FAT3: variants seen among roughly 807,000 people sequenced by gnomAD.
The protein encoded by FAT3 is FAT atypical cadherin 3, also known as protocadherin Fat 3.
A neutral mutation model predicts 310.2 loss-of-function variants in FAT3; 95 were observed. That is an observed-to-expected ratio of 0.31 (90% CI 0.26 to 0.36). FAT3 has a LOEUF of 0.36. FAT3 is among the 10% of genes least tolerant of loss of function. The probability of loss-of-function intolerance (pLI) is 1.00; values close to 1 mark genes in which losing one functional copy is unlikely to be tolerated. For synonymous variants in FAT3, 2,314 were observed against 2,192.9 expected, an observed-to-expected ratio of 1.06 and a Z score of -1.54; for missense variants, 5,408 against 5,715.6, an observed-to-expected ratio of 0.95 and a Z score of 1.74.
rs1268494070 is a variant in FAT3, at chr11:92,837,725, T to C, written c.10287T>C (p.Thr3429=). ...GTGGCATTCCTGCAATGTCATCAAC[T>C]GCAACTGTCAACATTGATATTTCTG... The part of the protein sequence containing the change: ...VDSGIPAMSS[T]ATVNIDISDV... The change falls in exon 17 of 28, where the codon ACT becomes ACC. Residue 3429 remains threonine, a synonymous_variant. Transcript: ENST00000525166. The C allele has an allele frequency of 6.2e-7, 1 of 1,614,000 alleles. No homozygotes were observed. Among genetic ancestry groups the C allele is most frequent in the South Asian group, 1.1e-5 (1 of 91,084 alleles).
intron 26 of FAT3, 84 bp downstream of exon 26, chr11:92,889,332 C>T: frequency 3.4e-6 from 2 of 583,466 alleles, no homozygotes; most frequent in South Asian, 2.3e-5. Flanking sequence ...AATGGATTGG[C>T]CACAGAGGGG....
At chr11:92,336,846 A>G (rs1948098992) in intron 1 of FAT3, among the ~76,000 whole-genome samples, 1 of 152,200 alleles carries the variant, frequency 6.6e-6, no homozygotes, top group Non-Finnish European at 1.5e-5. Context: ...CTTTCATCTA[A>G]GATTCTGTGA....
At chr11:92,266,176 T>C (rs1156599350) in intron 1 of FAT3, among the ~76,000 whole-genome samples, 1 of 152,166 alleles carries the variant, frequency 6.6e-6, no homozygotes, top group East Asian at 1.9e-4. Flanking sequence ...TACCAACTAG[T>C]GTTTCATTAA....
intron 2 of FAT3, among the ~76,000 whole-genome samples, chr11:92,471,035 A>T (rs1037230232): frequency 2.6e-5 from 4 of 152,126 alleles, no homozygotes; most frequent in Non-Finnish European, 5.9e-5. Context: ...CTTCTGTAAC[A>T]TTAGTTTTAA....
At chr11:92,237,964 C>T (rs1864502239) in intron 1 of FAT3, among the ~76,000 whole-genome samples, 1 of 152,122 alleles carries the variant, frequency 6.6e-6, no homozygotes, top group Non-Finnish European at 1.5e-5. Flanking sequence ...TGCATACGCA[C>T]TTTTGTTCTG....
At chr11:92,604,484 G>A (rs116316574) in intron 3 of FAT3, among the ~76,000 whole-genome samples, 1,968 of 152,246 alleles carry the variant, frequency 0.013, 44 homozygotes, top group African/African-American at 0.044. Flanking sequence ...CAGTCTCACA[G>A]ATTATCCCCT....
chr11:92,799,193 G>T lies in FAT3; in HGVS notation c.6180G>T (p.Leu2060=). ...TGGTGGTAGAAGCCAGCCGTGAGCT[G>T]GACCATCTGCGTGTGGCCAGAGTGG... is the stretch of plus-strand genomic sequence containing the variant. ...YELVVEASRE[L]DHLRVARVVV... Residue 2060 remains leucine, a synonymous_variant, in exon 10 of 28, where the codon CTG becomes CTT. Transcript: ENST00000525166. The T allele has an allele frequency of 6.2e-7, 1 of 1,613,924 alleles. No homozygotes were observed. Among genetic ancestry groups the T allele is most frequent in the Non-Finnish European group, 8.5e-7 (1 of 1,179,860 alleles).
At chr11:92,229,470 T>A (rs1311421384) in intron 1 of FAT3, among the ~76,000 whole-genome samples, 1 of 149,922 alleles carries the variant, frequency 6.7e-6, no homozygotes, top group Non-Finnish European at 1.5e-5. Flanking sequence ...CCTTTCCTTG[T>A]TTTCTTTTTT....
At chr11:92,227,827 G>A (rs1863986269) in intron 1 of FAT3, among the ~76,000 whole-genome samples, 1 of 150,078 alleles carries the variant, frequency 6.7e-6, no homozygotes, top group Non-Finnish European at 1.5e-5. Context: ...AAGGAAACCA[G>A]GGCTCTAAGA....
chr11:92,607,169 A>G (rs1236087763), intron 3 of FAT3, among the ~76,000 whole-genome samples: 3 of 152,318 alleles, frequency 2.0e-5, no homozygotes, highest in East Asian at 1.9e-4. Flanking sequence ...TAAGTCTTCT[A>G]TGATGGTTTG....
At chr11:92,294,785 G>C (rs1785019032) in intron 1 of FAT3, among the ~76,000 whole-genome samples, 1 of 150,380 alleles carries the variant, frequency 6.6e-6, no homozygotes, top group South Asian at 2.1e-4. Flanking sequence ...GGTGGAAAAT[G>C]AATAAATAAA....
chr11:92,873,518 C>T (rs936796493), intron 22 of FAT3, among the ~76,000 whole-genome samples: 1 of 152,146 alleles, frequency 6.6e-6, no homozygotes, highest in Non-Finnish European at 1.5e-5. Flanking sequence ...AGCGTTTAAG[C>T]CATAACCTGG....
chr11:92,809,209 A>G (rs1947595406), intron 12 of FAT3, among the ~76,000 whole-genome samples: 1 of 152,160 alleles, frequency 6.6e-6, no homozygotes, highest in African/African-American at 2.4e-5. Context: ...CTGCTTTTCC[A>G]TGCTCCTCAA....
At chr11:92,833,027 C>T (rs1229127547) in intron 14 of FAT3, among the ~76,000 whole-genome samples, 2 of 152,178 alleles carry the variant, frequency 1.3e-5, no homozygotes, top group South Asian at 2.1e-4. Context: ...AATAAAGCAA[C>T]AGAATAAGAG....
intron 3 of FAT3, among the ~76,000 whole-genome samples, chr11:92,593,980 A>G (rs947135201): frequency 2.0e-5 from 3 of 152,164 alleles, no homozygotes; most frequent in Admixed American, 1.3e-4. Context: ...GCAACAAAAC[A>G]TGAGAAGCAA....
intron 3 of FAT3, among the ~76,000 whole-genome samples, chr11:92,696,394 T>G (rs952760394): frequency 6.6e-6 from 1 of 152,148 alleles, no homozygotes; most frequent in Non-Finnish European, 1.5e-5. Flanking sequence ...AAAATCTGTG[T>G]GCTCCCACCC....
chr11:92,796,791 A>T (rs1272664485), intron 9 of FAT3, among the ~76,000 whole-genome samples: 5 of 152,138 alleles, frequency 3.3e-5, no homozygotes, highest in Admixed American at 2.0e-4. Flanking sequence ...CATACTCCAC[A>T]TTGTGTCTTC....
chr11:92,336,057 A>T (rs769002245), intron 1 of FAT3: 1 of 504,120 alleles, frequency 2.0e-6, no homozygotes, highest in African/African-American at 1.9e-5. Context: ...TGGCAACTGG[A>T]TCGTGCTGGG....
At chr11:92,712,911 T>C (rs1944567223) in intron 4 of FAT3, among the ~76,000 whole-genome samples, 1 of 152,242 alleles carries the variant, frequency 6.6e-6, no homozygotes, top group African/African-American at 2.4e-5. Context: ...ACAGAATGCA[T>C]GAGGCTGAAG....
Sources: gnomAD v4.1 joint callset for allele counts (sites outside exome capture counted in the v4.1 genomes callset) on GRCh38, gnomAD v4.1.1 for gene constraint, MANE v1.5 for transcripts, NCBI Gene and HGNC (gene_info 2026-07-23, HGNC 2026-07-21) for gene names.